Variants in SNAP29 observed in about 807,000 individuals in gnomAD.
SNAP29 encodes the protein synaptosomal-associated protein 29.
Under a neutral mutation model 27.9 loss-of-function variants are expected in SNAP29, and 13 were observed. The observed-to-expected ratio is 0.47, with a 90% CI of 0.30 to 0.74. The LOEUF is 0.74. Ranked by LOEUF, SNAP29 falls within the 30% of genes least tolerant of loss-of-function variation. The pLI is 0.06. For synonymous variants in SNAP29, 119 were observed against 127.1 expected (o/e 0.94, Z 0.43); for missense variants, 368 against 336.5 (o/e 1.09, Z -0.73).
Position 20,887,792 on chromosome 22 carries a change from G to C in SNAP29, c.733G>C (p.Asp245His), listed in dbSNP as rs776439398. The change falls in exon 5 of 5, where the codon GAT becomes CAT. Residue 245 changes from aspartate to histidine, a missense_variant. Coordinates refer to ENST00000215730, the MANE Select transcript of SNAP29 (RefSeq NM_004782.4). ...DRLTTKVDKL[D>H]VNIKSTERKV... Reference sequence around the variant, plus strand: ...GCTGACAACCAAAGTGGACAAGTTAGATGTCAACATAAAAAGCACAGAAAG... The same window carrying C: ...GCTGACAACCAAAGTGGACAAGTTACATGTCAACATAAAAAGCACAGAAAG... 14 of 1,614,226 alleles carry C rather than the reference G, an allele frequency of 8.7e-6. No homozygotes were observed. Among genetic ancestry groups the C allele is most frequent in the Non-Finnish European group, 1.2e-5 (14 of 1,180,038 alleles).
chr22:20,864,458 C>T (rs5996947), intron 1 of SNAP29, among the ~76,000 whole-genome samples: 7 of 152,136 alleles, frequency 4.6e-5, no homozygotes, highest in African/African-American at 9.6e-5. Flanking sequence ...AAGGTGTCCC[C>T]GGAACTTAGA....
intron 1 of SNAP29, among the ~76,000 whole-genome samples, chr22:20,868,627 G>T (rs1569116162): frequency 6.6e-6 from 1 of 152,010 alleles, no homozygotes; most frequent in Non-Finnish European, 1.5e-5. Flanking sequence ...AAAAACATTT[G>T]CATAGTTAGT....
At chr22:20,868,473 A>C (rs756627178) in intron 1 of SNAP29, among the ~76,000 whole-genome samples, 1 of 152,250 alleles carries the variant, frequency 6.6e-6, no homozygotes, top group Non-Finnish European at 1.5e-5. Context: ...CCATTAAACA[A>C]GGACTCAGGT....
At chr22:20,862,089 T>A (rs1928338736) in intron 1 of SNAP29, among the ~76,000 whole-genome samples, 1 of 152,148 alleles carries the variant, frequency 6.6e-6, no homozygotes, top group Admixed American at 6.5e-5. Context: ...TTAGGGAGGT[T>A]TTGCCTGTAG....
intron 3 of SNAP29, 94 bp downstream of exon 3, chr22:20,881,228 T>G: frequency 1.2e-6 from 1 of 865,428 alleles, no homozygotes; most frequent in African/African-American, 1.7e-5. Context: ...GCAACCTCTC[T>G]GGGGAGGTGG....
rs577799842 is a variant in SNAP29, at chr22:20,879,767, C to T, written c.435-1282C>T. Among the ~76,000 whole-genome samples, 8 of 148,752 alleles carry T rather than the reference C, an allele frequency of 5.4e-5. No individual in the cohort carries two copies. In the South Asian group the frequency reaches 6.5e-4, roughly 12 times the overall value. ...CTGAGGCAGGAGAATCACTTGAACC[C>T]GGGAGGCAGAGGCTGCAGTGAGCCA... On this transcript the variant is annotated intron_variant, in intron 2 of 4. Coordinates refer to ENST00000215730, the MANE Select transcript of SNAP29 (RefSeq NM_004782.4).
At chr22:20,870,796 A>G in intron 2 of SNAP29, 1 of 544,650 alleles carries the variant, frequency 1.8e-6, no homozygotes. Context: ...TGTTCACCTC[A>G]GCGTAATCTG....
chr22:20,862,689 G>C lies in SNAP29; in HGVS notation c.237+3342G>C, dbSNP rs565768441. Among the ~76,000 whole-genome samples the C allele has an allele frequency of 1.6e-4, 25 of 152,302 alleles. 1 individual carries two copies. In the South Asian group the frequency reaches 4.8e-3, roughly 29 times the overall value. ...GTGGCACTTCAGGCATATCAGGCTT[G>C]GCCAGGCCAGGCATTGCTGTGAGAA... On this transcript the variant is annotated intron_variant, in intron 1 of 4. Transcript: ENST00000215730.
At position 20,887,982 on chromosome 22, in the gene SNAP29, C is replaced by A; in HGVS notation, c.*146C>A. On this transcript the variant is annotated 3_prime_UTR_variant, in exon 5 of 5. Coordinates refer to ENST00000215730, the MANE Select transcript of SNAP29 (RefSeq NM_004782.4). The stretch of plus-strand genomic sequence containing the variant: ...TAGAGTAGGTCTTAAGACATTTTTG[C>A]TGTTATAAGGAAGTGTTTGTCCCAC... 1.2e-6 allele frequency: 1 copy of A among 823,228 alleles called. No individual in the cohort carries two copies. The highest frequency in any genetic ancestry group is 2.0e-6 in the Non-Finnish European group (1 of 510,974). The allele number at this position is 823,228 out of a possible 1,614,324, so 51.0% of individuals were successfully genotyped here.
chr22:20,870,154 G>T (rs1039049971), intron 1 of SNAP29, among the ~76,000 whole-genome samples, 183 bp from the exon 2 acceptor site: 6 of 152,100 alleles, frequency 3.9e-5, no homozygotes, highest in African/African-American at 1.4e-4. Context: ...GTAGAGGTAG[G>T]GCAGGGAGGG....
chr22:20,864,900 G>C (rs1031425067), intron 1 of SNAP29, among the ~76,000 whole-genome samples: 1 of 152,224 alleles, frequency 6.6e-6, no homozygotes, highest in Non-Finnish European at 1.5e-5. Flanking sequence ...TGGTTGCAAT[G>C]CCTGTCCTGT....
At chr22:20,874,901 C>T (rs1928703958) in intron 2 of SNAP29, among the ~76,000 whole-genome samples, 1 of 152,034 alleles carries the variant, frequency 6.6e-6, no homozygotes, top group East Asian at 1.9e-4. Flanking sequence ...TGGTCTAAGA[C>T]ATCCTCCATG....
At chr22:20,879,582 A>G (rs1928840377) in intron 2 of SNAP29, among the ~76,000 whole-genome samples, 1 of 151,958 alleles carries the variant, frequency 6.6e-6, no homozygotes, top group Non-Finnish European at 1.5e-5. Context: ...ATGGTGGCTT[A>G]TGCCTGTAAT....
Position 20,887,468 on chromosome 22 carries a change from T to TAC in SNAP29, c.620-195_620-194dup, listed in dbSNP as rs3041344. On this transcript the variant is annotated intron_variant, in intron 4 of 4. Coordinates refer to ENST00000215730, the MANE Select transcript of SNAP29 (RefSeq NM_004782.4). ...CAGCGTGCACAAACACACACACACATACACACACACACACACAGTCACAAA... is the reference window on the plus strand; with the variant it reads ...CAGCGTGCACAAACACACACACACATACACACACACACACACACAGTCACAAA... 0.031 allele frequency among the ~76,000 whole-genome samples: 4,661 copies of TAC among 149,362 alleles called. 93 individuals are homozygous for TAC. Among genetic ancestry groups the TAC allele is most frequent in the Middle Eastern group, 0.065 (19 of 292 alleles).
At chr22:20,887,230 A>AC (rs1433618081) in intron 4 of SNAP29, among the ~76,000 whole-genome samples, 43 of 151,986 alleles carry the variant, frequency 2.8e-4, no homozygotes, top group African/African-American at 1.0e-3. Context: ...GTCTCAAAAA[A>AC]AAAAAAAACA....
At chr22:20,869,175 G>A (rs767906160) in intron 1 of SNAP29, among the ~76,000 whole-genome samples, 4 of 152,166 alleles carry the variant, frequency 2.6e-5, no homozygotes, top group African/African-American at 9.7e-5. Flanking sequence ...CAGGAGAATC[G>A]CTTGAACACA....
intron 2 of SNAP29, 97 bp from the exon 3 acceptor site, chr22:20,880,951 AT>A: frequency 2.5e-6 from 2 of 812,342 alleles, no homozygotes; most frequent in Non-Finnish European, 2.1e-6. Context: ...GAGGCATTTG[AT>A]TTTTAGCACA....
In SNAP29 at chr22:20,890,651, C is replaced by T. The variant is rs545358344; in HGVS notation, c.*2815C>T. ...GTGGGCGCCTGTAGTCCCAGCTACT[C>T]AGGAGGCTGAGGCAGGAGAATGGCA... On this transcript the variant is annotated 3_prime_UTR_variant, in exon 5 of 5. Transcript: ENST00000215730. The T allele has an allele frequency of 7.5e-5, 15 of 200,476 alleles. No individual in the cohort carries two copies. The highest frequency in any genetic ancestry group is 3.2e-4 in the African/African-American group (13 of 41,262). 12.4% of individuals were successfully genotyped at this position (200,476 alleles called of 1,614,324 possible). A position where few individuals can be genotyped will look rare whatever the true frequency, so the allele number is the denominator to read the frequency against.
At chr22:20,881,853 C>T (rs165783) in intron 3 of SNAP29, among the ~76,000 whole-genome samples, 47,697 of 151,978 alleles carry the variant, frequency 0.31, 7,730 homozygotes, top group East Asian at 0.43. Context: ...CCCCAGACCC[C>T]GTGAGTGTGT....
Sources: allele counts gnomAD v4.1 joint callset (sites outside exome capture counted in the v4.1 genomes callset), GRCh38; gene constraint gnomAD v4.1.1; transcripts MANE v1.5; gene names NCBI Gene and HGNC (gene_info 2026-07-23, HGNC 2026-07-21).